The following TBC1D19 variants were observed in gnomAD, a reference collection of about 807,000 sequenced individuals.
TBC1D19 encodes TBC1 domain family member 19.
A neutral mutation model predicts 89.0 loss-of-function variants in TBC1D19; 60 were observed. The observed-to-expected ratio is 0.67, with a 90% CI of 0.55 to 0.84. The LOEUF is 0.84. Among genes scored for constraint, TBC1D19 ranks in the 40% least tolerant of loss-of-function variants. The probability of loss-of-function intolerance (pLI) is 0.00; values close to 1 mark genes in which losing one functional copy is unlikely to be tolerated. For missense variants in TBC1D19, 500 were observed against 610.8 expected (o/e 0.82, Z 1.91); for synonymous variants, 189 against 199.7 (o/e 0.95, Z 0.45).
chr4:26,629,832 T>C (rs961254250), intron 4 of TBC1D19, among the ~76,000 whole-genome samples: 2 of 151,912 alleles, frequency 1.3e-5, no homozygotes, highest in African/African-American at 4.8e-5. Context: ...ATAATTTCAC[T>C]TTAATCCAAA....
intron 13 of TBC1D19, among the ~76,000 whole-genome samples, chr4:26,702,015 A>G (rs1018856826): frequency 6.6e-6 from 1 of 152,196 alleles, no homozygotes. Context: ...GAGGATTGCC[A>G]TTTTTAAGTT....
chr4:26,600,088 A>T (rs944716214), intron 1 of TBC1D19, among the ~76,000 whole-genome samples: 1 of 152,190 alleles, frequency 6.6e-6, no homozygotes, highest in Non-Finnish European at 1.5e-5. Flanking sequence ...TAATACCCCA[A>T]ATGTTATTTT....
At chr4:26,786,700 G>A in the TBC1D19 span, among the ~76,000 whole-genome samples, 1 of 144,138 alleles carries the variant, frequency 6.9e-6, no homozygotes, top group Non-Finnish European at 1.5e-5. Flanking sequence ...CAGTTGAAAG[G>A]ATGGTAGCAT....
chr4:26,763,225 T>G, the TBC1D19 span, among the ~76,000 whole-genome samples: 1 of 152,164 alleles, frequency 6.6e-6, no homozygotes, highest in Non-Finnish European at 1.5e-5. Context: ...GACTTCCTCC[T>G]CAGCCAGGGC....
Position 26,709,272 on chromosome 4 carries a change from A to G in TBC1D19, c.955-8661A>G, listed in dbSNP as rs555568552. ...CATTGAGCGCATGTGGTCACTTTCT[A>G]ATTTCCCCCTTATACACAGTTGTTT... is the stretch of plus-strand genomic sequence containing the variant. On this transcript the variant is annotated intron_variant, in intron 13 of 20. Transcript: ENST00000264866. Among the ~76,000 whole-genome samples the G allele has an allele frequency of 1.6e-4, 25 of 152,108 alleles. No homozygotes were observed. The South Asian group carries it at 4.8e-3, about 29-fold the overall frequency.
chr4:26,624,027 C>T (rs1432542407), intron 4 of TBC1D19, among the ~76,000 whole-genome samples: 1 of 152,222 alleles, frequency 6.6e-6, no homozygotes, highest in Non-Finnish European at 1.5e-5. Context: ...GTTCCGATTC[C>T]AGAGCCCAGC....
chr4:26,654,580 C>T (rs1189914464), intron 7 of TBC1D19, among the ~76,000 whole-genome samples: 2 of 152,004 alleles, frequency 1.3e-5, no homozygotes, highest in African/African-American at 4.8e-5. Context: ...CATTTCTTTT[C>T]ATTCTTTTTT....
At chr4:26,709,812 T>C (rs1266254686) in intron 13 of TBC1D19, among the ~76,000 whole-genome samples, 1 of 152,006 alleles carries the variant, frequency 6.6e-6, no homozygotes, top group Non-Finnish European at 1.5e-5. Context: ...AGATTCTTGG[T>C]GCTTCCTACT....
the TBC1D19 span, among the ~76,000 whole-genome samples, chr4:26,833,230 A>G: frequency 2.0e-5 from 3 of 152,152 alleles, no homozygotes; most frequent in East Asian, 3.9e-4. Context: ...GCCAAGCTAG[A>G]AGACGGCACA....
chr4:26,778,285 G>A, the TBC1D19 span, among the ~76,000 whole-genome samples: 24 of 152,092 alleles, frequency 1.6e-4, no homozygotes, highest in African/African-American at 5.1e-4. Context: ...GCATGGTGGC[G>A]GGAGCCTGTA....
At chr4:26,808,654 G>A in the TBC1D19 span, among the ~76,000 whole-genome samples, 4 of 151,360 alleles carry the variant, frequency 2.6e-5, no homozygotes, top group African/African-American at 4.9e-5. Flanking sequence ...GCTTGAACCC[G>A]GGAGGTGGAG....
At chr4:26,666,069 A>G (rs1221202646) in intron 8 of TBC1D19, among the ~76,000 whole-genome samples, 1 of 151,958 alleles carries the variant, frequency 6.6e-6, no homozygotes, top group African/African-American at 2.4e-5. Context: ...CTAAATGCTT[A>G]TATCTTTTCT....
At chr4:26,664,511 A>T (rs912473869) in intron 8 of TBC1D19, among the ~76,000 whole-genome samples, 1 of 152,226 alleles carries the variant, frequency 6.6e-6, no homozygotes, top group Non-Finnish European at 1.5e-5. Context: ...GAAAAATACA[A>T]ATGATTTCAA....
At chr4:26,747,340 A>G (rs934474783) in intron 18 of TBC1D19, among the ~76,000 whole-genome samples, 2 of 152,188 alleles carry the variant, frequency 1.3e-5, no homozygotes, top group South Asian at 4.1e-4. Context: ...TAAAATATCC[A>G]GTGGCCCAAA....
At chr4:26,582,489 C>T (rs1157614193), upstream of TBC1D19, among the ~76,000 whole-genome samples, 1 of 152,142 alleles carries the variant, frequency 6.6e-6, no homozygotes, top group Admixed American at 6.6e-5. Context: ...CTAATCACTC[C>T]ACTTCTTTCA....
At chr4:26,578,724 G>A (rs1739016333) in intron 1 of TBC1D19, among the ~76,000 whole-genome samples, 1 of 152,144 alleles carries the variant, frequency 6.6e-6, no homozygotes, top group African/African-American at 2.4e-5. Flanking sequence ...TAGAGGAAGT[G>A]CCTAGAAAAA....
At chr4:26,664,306 C>A (rs2109086914) in intron 8 of TBC1D19, among the ~76,000 whole-genome samples, 1 of 152,188 alleles carries the variant, frequency 6.6e-6, no homozygotes, top group East Asian at 1.9e-4. Context: ...AGATTAGGGT[C>A]CATGTCTGCT....
At chr4:26,799,481 C>T in the TBC1D19 span, among the ~76,000 whole-genome samples, 2 of 152,072 alleles carry the variant, frequency 1.3e-5, no homozygotes, top group Admixed American at 6.5e-5. Flanking sequence ...GAAAAGATAC[C>T]AGAAGCTAAG....
intron 4 of TBC1D19, among the ~76,000 whole-genome samples, chr4:26,624,905 G>C (rs1742296045): frequency 6.6e-6 from 1 of 152,110 alleles, no homozygotes; most frequent in South Asian, 2.1e-4. Context: ...CACGCACTGG[G>C]AAGGAGTAGT....
Sources: allele counts gnomAD v4.1 joint callset (sites outside exome capture counted in the v4.1 genomes callset), GRCh38; gene constraint gnomAD v4.1.1; transcripts MANE v1.5; gene names NCBI Gene and HGNC (gene_info 2026-07-23, HGNC 2026-07-21).